Variants in MAD1L1 observed in about 807,000 individuals in gnomAD.
MAD1L1 encodes the protein mitotic spindle assembly checkpoint protein MAD1.
MAD1L1 carries 95 observed loss-of-function variants against 96.9 expected under a neutral mutation model. The observed-to-expected ratio is 0.98, with a 90% CI of 0.83 to 1.16. The LOEUF is 1.16. Among genes scored for constraint, MAD1L1 ranks in the 50% most tolerant of loss-of-function variants. The probability of loss-of-function intolerance (pLI) is 0.00; values close to 1 mark genes in which losing one functional copy is unlikely to be tolerated. For synonymous variants in MAD1L1, 473 were observed against 396.6 expected, an observed-to-expected ratio of 1.19 and a Z score of -2.29; for missense variants, 1,007 against 954.4, an observed-to-expected ratio of 1.06 and a Z score of -0.73.
chr7:1,960,574 TAAAGAGATTGATTAATC>T (rs1562563896), intron 15 of MAD1L1, among the ~76,000 whole-genome samples: 1 of 152,194 alleles, frequency 6.6e-6, no homozygotes, highest in African/African-American at 2.4e-5. Flanking sequence ...CTTATAATAA[TAAAGAGATTGATTAATC>T]AAAGGAAAAT....
At chr7:2,135,551 C>T (rs1030099753) in intron 11 of MAD1L1, among the ~76,000 whole-genome samples, 1 of 152,120 alleles carries the variant, frequency 6.6e-6, no homozygotes, top group Non-Finnish European at 1.5e-5. Flanking sequence ...AATAAAAACT[C>T]TTTGTTTTCG....
At chr7:1,839,232 G>A (rs1202993013) in intron 18 of MAD1L1, among the ~76,000 whole-genome samples, 2 of 152,162 alleles carry the variant, frequency 1.3e-5, no homozygotes, top group Admixed American at 6.5e-5. Flanking sequence ...GGCGGGGCTA[G>A]GTGGGCTTGC....
intron 13 of MAD1L1, among the ~76,000 whole-genome samples, chr7:2,013,401 C>T (rs1055300382): frequency 5.9e-5 from 9 of 152,272 alleles, no homozygotes; most frequent in African/African-American, 2.2e-4. Flanking sequence ...CTCGGCTGTT[C>T]AGCTGTGCTC....
At chr7:1,882,914 ACGGCCC>A (rs1379114862) in intron 18 of MAD1L1, among the ~76,000 whole-genome samples, 10 of 146,274 alleles carry the variant, frequency 6.8e-5, no homozygotes, top group African/African-American at 1.3e-4. Context: ...TGCACCACAA[ACGGCCC>A]CAGGAACCAG....
intron 12 of MAD1L1, among the ~76,000 whole-genome samples, chr7:2,064,379 G>A (rs1228021910): frequency 3.3e-5 from 5 of 152,130 alleles, no homozygotes; most frequent in Admixed American, 1.3e-4. Context: ...AGCTAAGCCT[G>A]GCTCCCCTGC....
intron 16 of MAD1L1, among the ~76,000 whole-genome samples, chr7:1,944,636 G>A (rs1779147045): frequency 6.6e-6 from 1 of 152,178 alleles, no homozygotes. Context: ...GGAAATGTGA[G>A]GCTGAAGGGG....
At chr7:2,057,136 T>C (rs1360123879) in intron 12 of MAD1L1, among the ~76,000 whole-genome samples, 3 of 152,178 alleles carry the variant, frequency 2.0e-5, no homozygotes, top group African/African-American at 7.2e-5. Flanking sequence ...CAGCCCCACC[T>C]AGAGAGGGGC....
At chr7:1,888,322 G>A (rs1353038496) in intron 18 of MAD1L1, among the ~76,000 whole-genome samples, 4 of 141,388 alleles carry the variant, frequency 2.8e-5, no homozygotes, top group African/African-American at 9.9e-5. Flanking sequence ...CTATGTGTGT[G>A]TGTGCATGCG....
In MAD1L1 at chr7:1,915,082, G is replaced by C. The variant is rs563800001; in HGVS notation, c.1808-16692C>G. On this transcript the variant is annotated intron_variant, in intron 17 of 18. Coordinates refer to ENST00000265854, the MANE Select transcript of MAD1L1 (RefSeq NM_001013836.2). ...CTCACTGGGAGCAACCCTGGTGCCA[G>C]GGTCCTCAGAAGCGCTGCTCAGCTA... Among the ~76,000 whole-genome samples, 63 of 152,314 alleles carry C rather than the reference G, an allele frequency of 4.1e-4. 2 individuals are homozygous for C. In the East Asian group the frequency reaches 0.011, roughly 26 times the overall value.
intron 18 of MAD1L1, among the ~76,000 whole-genome samples, chr7:1,887,155 C>T (rs1434915208): frequency 6.6e-6 from 1 of 152,276 alleles, no homozygotes; most frequent in Admixed American, 6.5e-5. Context: ...CCTCTGGATC[C>T]AGATCACAGA....
chr7:1,901,756 G>A (rs1200283257), intron 17 of MAD1L1, among the ~76,000 whole-genome samples: 1 of 152,174 alleles, frequency 6.6e-6, no homozygotes, highest in Non-Finnish European at 1.5e-5. Flanking sequence ...GAGGCCTTGA[G>A]CCCAGCCCAC....
intron 11 of MAD1L1, among the ~76,000 whole-genome samples, chr7:2,097,041 G>A (rs1786529270): frequency 6.6e-6 from 1 of 152,134 alleles, no homozygotes; most frequent in African/African-American, 2.4e-5. Context: ...TATGATAAAC[G>A]CACCACGGGT....
intron 12 of MAD1L1, among the ~76,000 whole-genome samples, chr7:2,052,217 G>A (rs1784211808): frequency 6.6e-6 from 1 of 152,116 alleles, no homozygotes; most frequent in Non-Finnish European, 1.5e-5. Flanking sequence ...CACAGCCACA[G>A]CTCCGCCACA....
At chr7:2,073,869 G>A (rs1338771210) in intron 11 of MAD1L1, among the ~76,000 whole-genome samples, 1 of 152,226 alleles carries the variant, frequency 6.6e-6, no homozygotes, top group Non-Finnish European at 1.5e-5. Context: ...GGGACGGCGT[G>A]GGCAGCAGAG....
intron 10 of MAD1L1, among the ~76,000 whole-genome samples, chr7:2,181,384 C>G (rs944623618): frequency 1.3e-5 from 2 of 152,206 alleles, no homozygotes; most frequent in East Asian, 3.8e-4. Flanking sequence ...ACTGACGTTT[C>G]CACACGTTAG....
In MAD1L1 at chr7:1,816,017, C is replaced by A; in HGVS notation, c.*53G>T. The A allele has an allele frequency of 6.6e-7, 1 of 1,523,982 alleles. No homozygotes were observed. The highest frequency in any genetic ancestry group is 2.0e-5 in the Admixed American group (1 of 49,808). The allele number at this position is 1,523,982 out of a possible 1,614,324, so 94.4% of individuals were successfully genotyped here. A position where few individuals can be genotyped will look rare whatever the true frequency, so the allele number is the denominator to read the frequency against. ...AGCCTGTGGCTGGCGGGGCAGGGGA[C>A]CTGCAGGTCAGGCCAAGCAGAGTGG... On this transcript the variant is annotated 3_prime_UTR_variant, in exon 19 of 19. Coordinates refer to ENST00000265854, the MANE Select transcript of MAD1L1 (RefSeq NM_001013836.2).
At position 1,968,954 on chromosome 7, in the gene MAD1L1, G is replaced by A. The variant is rs1026706716; in HGVS notation, c.1506-11235C>T. Among the ~76,000 whole-genome samples the A allele has an allele frequency of 1.3e-5, 2 of 152,236 alleles. No homozygotes were observed. Among genetic ancestry groups the A allele is most frequent in the African/African-American group, 4.8e-5 (2 of 41,458 alleles). ...GGAGACAGGCCCAGAGTCACACGCC[G>A]GTGACGAGCACCATGGCAGCGTGAG... On this transcript the variant is annotated intron_variant, in intron 15 of 18. Coordinates refer to ENST00000265854, the MANE Select transcript of MAD1L1 (RefSeq NM_001013836.2). This position sits in a 1 kb window ranked among gnomAD's most constrained non-coding sequence, Gnocchi z 5.6.
intron 11 of MAD1L1, among the ~76,000 whole-genome samples, chr7:2,098,003 G>A (rs1429522731): frequency 6.6e-6 from 1 of 152,210 alleles, no homozygotes; most frequent in African/African-American, 2.4e-5. Flanking sequence ...AAAGTAAGAC[G>A]GAACTGAGAG....
chr7:1,973,555 G>T (rs1423129003), intron 15 of MAD1L1, among the ~76,000 whole-genome samples: 1 of 152,100 alleles, frequency 6.6e-6, no homozygotes, highest in East Asian at 1.9e-4. Flanking sequence ...AGCTGGGTAC[G>T]AGCTCAGCCC....
Sources: allele counts gnomAD v4.1 joint callset (sites outside exome capture counted in the v4.1 genomes callset), GRCh38; gene constraint gnomAD v4.1.1; non-coding constraint Gnocchi (gnomAD v3.1); transcripts MANE v1.5; gene names NCBI Gene and HGNC (gene_info 2026-07-23, HGNC 2026-07-21).